CPNE2: variants seen among roughly 807,000 people sequenced by gnomAD.
CPNE2 encodes the protein copine-2.
A neutral mutation model predicts 69.7 loss-of-function variants in CPNE2; 42 were observed. That is an observed-to-expected ratio of 0.60 (90% CI 0.47 to 0.78). The LOEUF is 0.78. Among genes scored for constraint, CPNE2 ranks in the 30% least tolerant of loss-of-function variants. The pLI is 0.00. For synonymous variants in CPNE2, 294 were observed against 289.8 expected (o/e 1.01, Z -0.15); for missense variants, 587 against 732.0 (o/e 0.80, Z 2.29).
rs372152026 is a variant in CPNE2, at chr16:57,110,730, G to A, written c.-13G>A. 49 of 1,590,530 alleles carry A rather than the reference G, an allele frequency of 3.1e-5. No individual in the cohort carries two copies. The highest frequency in any genetic ancestry group is 3.4e-4 in the Middle Eastern group (2 of 5,966). ...TAGACTGCCAGGAACTCCTGCCACC[G>A]CCACCGGCTCCCATGGCCCACATAC... On this transcript the variant is annotated 5_prime_UTR_variant, in exon 2 of 16. Transcript: ENST00000290776.
intron 11 of CPNE2, 148 bp from the exon 12 acceptor site, chr16:57,127,701 G>C: frequency 1.3e-6 from 1 of 759,270 alleles, no homozygotes; most frequent in South Asian, 1.6e-5. Flanking sequence ...TCATTAGGTA[G>C]ATGATCCTAA....
intron 7 of CPNE2, among the ~76,000 whole-genome samples, chr16:57,120,031 G>A (rs1402474331): frequency 6.6e-6 from 1 of 152,198 alleles, no homozygotes; most frequent in East Asian, 1.9e-4. Flanking sequence ...CCAGCACTTT[G>A]GGAGGCTGAG....
Position 57,125,949 on chromosome 16 carries a change from G to A in CPNE2, c.1017G>A (p.Leu339=), listed in dbSNP as rs762904697. ...YINPMGTNEY[L]SAIWAVGQII... ...ACCCTATGGGCACCAACGAATATCT[G>A]TCGGCCATCTGGGCTGTTGGGCAGA... is the stretch of plus-strand genomic sequence containing the variant. The change falls in exon 11 of 16, where the codon CTG becomes CTA. Residue 339 remains leucine, a synonymous_variant. Transcript: ENST00000290776. The A allele has an allele frequency of 9.9e-6, 16 of 1,614,036 alleles. No individual in the cohort carries two copies. In the East Asian group the frequency reaches 3.6e-4, roughly 36 times the overall value.
chr16:57,128,005 G>A, intron 12 of CPNE2, 102 bp downstream of exon 12: 3 of 1,194,894 alleles, frequency 2.5e-6, no homozygotes, highest in South Asian at 1.3e-5. Flanking sequence ...GGGCCCTGTT[G>A]CCCTGCCTTC....
chr16:57,110,779 G>C lies in CPNE2; in HGVS notation c.37G>C (p.Gly13Arg), dbSNP rs774858426. The C allele has an allele frequency of 9.9e-6, 16 of 1,613,298 alleles. No individual in the cohort carries two copies. The South Asian group carries it at 1.8e-4, about 18-fold the overall frequency. Residue 13 changes from glycine to arginine, a missense_variant, in exon 2 of 16, where the codon GGG becomes CGG. Physicochemically the swap from Gly to Arg is moderately radical, Grantham distance 125. This residue lies in a region of CPNE2 where 96 missense variants were observed against 94.9 expected (regional missense o/e 1.01). Coordinates refer to ENST00000290776, the MANE Select transcript of CPNE2 (RefSeq NM_152727.6). ...ACCCAGTGGGGGTGCCCCAGCAGCG[G>C]GGGCAGCCCCCATGGGCCCCCAGTA... ...HIPSGGAPAA[G>R]AAPMGPQYCV...
chr16:57,098,064 G>A (rs866133284), intron 1 of CPNE2, among the ~76,000 whole-genome samples: 2 of 149,238 alleles, frequency 1.3e-5, no homozygotes, highest in Middle Eastern at 3.4e-3. Context: ...AGTGCAGGAT[G>A]AGCTGAACCT....
intron 9 of CPNE2, 79 bp downstream of exon 9, chr16:57,121,839 G>C (rs2069764805): frequency 3.0e-6 from 4 of 1,354,592 alleles, no homozygotes; most frequent in Non-Finnish European, 2.1e-6. Flanking sequence ...ACTGGATCTG[G>C]AGCCAGCGAG....
intron 14 of CPNE2, chr16:57,144,460 G>GCCA (rs2145287203): frequency 6.6e-6 from 1 of 152,406 alleles, no homozygotes; most frequent in African/African-American, 2.4e-5. Context: ...GGGCTGACCT[G>GCCA]GGGTCCAGCT....
In CPNE2 at chr16:57,113,479, C is replaced by T. The variant is rs141750517; in HGVS notation, c.360+12C>T. 2,602 of 1,610,904 alleles carry T rather than the reference C, an allele frequency of 1.6e-3. 35 individuals carry two copies. The African/African-American group carries it at 0.031, about 19-fold the overall frequency. ...GCAGCCTGGGCACGGTGAGCTGGGC[C>T]CTCCTGGGTGGGAGCAGGGGCCCAA... On this transcript the variant is annotated intron_variant, in intron 3 of 15. Coordinates refer to ENST00000290776, the MANE Select transcript of CPNE2 (RefSeq NM_152727.6).
At chr16:57,096,990 T>TG (rs1347564186) in intron 1 of CPNE2, among the ~76,000 whole-genome samples, 12 of 151,768 alleles carry the variant, frequency 7.9e-5, no homozygotes, top group Admixed American at 4.6e-4. Flanking sequence ...GGCCCTGTGG[T>TG]GGGGACATGC....
In CPNE2 at chr16:57,146,655, C is replaced by T; in HGVS notation, c.1539+334C>T. On this transcript the variant is annotated intron_variant, in intron 15 of 15. Coordinates refer to ENST00000290776, the MANE Select transcript of CPNE2 (RefSeq NM_152727.6). The surrounding 1 kb of genome is among the most constrained non-coding windows in gnomAD (Gnocchi z 4.4). ...GGGGCTATCCATGTGGTGTAAAGTG[C>T]AGGAGGAGAGAGGGGTTTTCCTGAT... The T allele has an allele frequency of 3.8e-6, 1 of 264,792 alleles. No homozygotes were observed. The highest frequency in any genetic ancestry group is 7.3e-6 in the Non-Finnish European group (1 of 137,622). The allele number at this position is 264,792 out of a possible 1,614,324, so 16.4% of individuals were successfully genotyped here. A position where few individuals can be genotyped will look rare whatever the true frequency, so the allele number is the denominator to read the frequency against.
rs1255819940 is a variant in CPNE2, at chr16:57,130,284, C to A, written c.1116+2381C>A. Among the ~76,000 whole-genome samples, 2 of 152,016 alleles carry A rather than the reference C, an allele frequency of 1.3e-5. No homozygotes were observed. Among genetic ancestry groups the A allele is most frequent in the Non-Finnish European group, 2.9e-5 (2 of 68,012 alleles). ...ATCCCAGCTACTCGGGAGGCTGAGGCAGGAAGATCCCTGGAGCCCAGTGAG... is the reference window on the plus strand; with the variant it reads ...ATCCCAGCTACTCGGGAGGCTGAGGAAGGAAGATCCCTGGAGCCCAGTGAG... On this transcript the variant is annotated intron_variant, in intron 12 of 15. Transcript: ENST00000290776. This position sits in a 1 kb window ranked among gnomAD's most constrained non-coding sequence, Gnocchi z 4.1.
In CPNE2 at chr16:57,113,403, A is replaced by G. The variant is rs768898113; in HGVS notation, c.296A>G (p.Asp99Gly). 2 of 1,614,182 alleles carry G rather than the reference A, an allele frequency of 1.2e-6. No homozygotes were observed. The highest frequency in any genetic ancestry group is 2.2e-5 in the South Asian group (2 of 91,086). The change falls in exon 3 of 16, where the codon GAC becomes GGC. Residue 99 changes from aspartate to glycine, a missense_variant. By Grantham distance (94) the Asp-to-Gly change is moderately conservative. This residue lies in a region of CPNE2 where 34 missense variants were observed against 67.1 expected (regional missense o/e 0.51). Coordinates refer to ENST00000290776, the MANE Select transcript of CPNE2 (RefSeq NM_152727.6). ...QKLKFALFDQDKSSMRLDEHD... is the reference protein window; with the variant it reads ...QKLKFALFDQGKSSMRLDEHD... The stretch of plus-strand genomic sequence containing the variant: ...CTCAAGTTCGCGCTCTTTGACCAGG[A>G]CAAGTCCAGTATGCGGCTGGACGAG...
At chr16:57,096,142 G>T (rs1173585882) in intron 1 of CPNE2, among the ~76,000 whole-genome samples, 3 of 152,240 alleles carry the variant, frequency 2.0e-5, no homozygotes, top group African/African-American at 7.2e-5. Context: ...TGGATCCTGG[G>T]AGAATTACGA....
chr16:57,133,738 G>A (rs561276915), intron 12 of CPNE2, among the ~76,000 whole-genome samples: 3 of 152,272 alleles, frequency 2.0e-5, no homozygotes, highest in South Asian at 2.1e-4. Context: ...ACCTCAGTTC[G>A]AGTCCCAGCT....
intron 1 of CPNE2, among the ~76,000 whole-genome samples, chr16:57,097,771 G>A (rs1298106746): frequency 2.6e-5 from 4 of 152,078 alleles, no homozygotes; most frequent in African/African-American, 7.2e-5. Flanking sequence ...TCTCTCAGAC[G>A]TACAACTTTC....
At chr16:57,116,122 G>T (rs1176666233) in intron 4 of CPNE2, among the ~76,000 whole-genome samples, 2 of 152,080 alleles carry the variant, frequency 1.3e-5, no homozygotes, top group African/African-American at 2.4e-5. Flanking sequence ...GTGTGTTCCC[G>T]TGTGTTACTC....
intron 10 of CPNE2, chr16:57,125,054 C>A (rs2069790659): frequency 6.1e-6 from 2 of 326,382 alleles, no homozygotes; most frequent in South Asian, 2.4e-5. Context: ...TCTCTCCTAC[C>A]CCACAGCAAC....
chr16:57,120,799 G>C (rs1389534211), intron 7 of CPNE2, among the ~76,000 whole-genome samples: 1 of 152,182 alleles, frequency 6.6e-6, no homozygotes, highest in African/African-American at 2.4e-5. Context: ...TAAGCTGGGT[G>C]GGTCACAACC....
Sources: gnomAD v4.1 joint callset for allele counts (sites outside exome capture counted in the v4.1 genomes callset) on GRCh38, gnomAD v4.1.1 for gene constraint, gnomAD v4.1.1 regional missense constraint, Gnocchi (gnomAD v3.1) non-coding constraint, MANE v1.5 for transcripts, NCBI Gene and HGNC (gene_info 2026-07-23, HGNC 2026-07-21) for gene names.